Variants in TEX9 observed in about 807,000 individuals in gnomAD.
The protein encoded by TEX9 is testis-expressed protein 9.
TEX9 carries 74 observed loss-of-function variants against 59.6 expected under a neutral mutation model. That is an observed-to-expected ratio of 1.24 (90% CI 1.03 to 1.51). The LOEUF (loss-of-function observed/expected upper bound fraction) is 1.51. Among genes scored for constraint, TEX9 ranks in the 40% most tolerant of loss-of-function variants. The probability of loss-of-function intolerance (pLI) is 0.00; values close to 1 mark genes in which losing one functional copy is unlikely to be tolerated. For synonymous variants in TEX9, 186 were observed against 152.2 expected, an observed-to-expected ratio of 1.22 and a Z score of -1.64; for missense variants, 522 against 447.8, an observed-to-expected ratio of 1.17 and a Z score of -1.49.
chr15:56,358,599 A>G (rs761745139), intron 1 of TEX9, among the ~76,000 whole-genome samples: 1 of 152,196 alleles, frequency 6.6e-6, no homozygotes, highest in Non-Finnish European at 1.5e-5. Flanking sequence ...TTACTGATAC[A>G]TTAACTGAAG....
downstream of TEX9, among the ~76,000 whole-genome samples, chr15:56,449,783 T>C (rs575692768): frequency 2.3e-4 from 35 of 152,334 alleles, no homozygotes; most frequent in African/African-American, 8.2e-4. Context: ...ATCAGTTTGG[T>C]AAAATGTGCT....
At chr15:56,318,626 G>A (rs1198719681) in intron 1 of TEX9, among the ~76,000 whole-genome samples, 1 of 151,224 alleles carries the variant, frequency 6.6e-6, no homozygotes, top group Admixed American at 6.6e-5. Flanking sequence ...TCCTTCTTTT[G>A]TGTTAAATAA....
downstream of TEX9, chr15:56,446,744 G>T: frequency 1.2e-6 from 1 of 850,294 alleles, no homozygotes; most frequent in Non-Finnish European, 1.8e-6. Context: ...ATCTAGCAGT[G>T]TAAATTCTTT....
At chr15:56,395,834 T>C (rs2048444251) in intron 9 of TEX9, 1 of 152,166 alleles carries the variant, frequency 6.6e-6, no homozygotes, top group South Asian at 2.1e-4. Context: ...AATTACTGAA[T>C]AATAAGAACT....
rs1252767389 is a variant in TEX9 at position 56,391,376 on chromosome 15, A to G, written c.529A>G (p.Ile177Val). The G allele has an allele frequency of 3.8e-6, 6 of 1,565,346 alleles. No individual in the cohort carries two copies. In the East Asian group the frequency reaches 1.4e-4, roughly 36 times the overall value. Reference sequence around the variant, plus strand: ...GGAGGAAGAAGGCTTACCTGAATATATAGATGATATTTTTTCTGGTGTTAG... The same window carrying G: ...GGAGGAAGAAGGCTTACCTGAATATGTAGATGATATTTTTTCTGGTGTTAG... Residue 177 changes from isoleucine (I) to valine (V), a missense_variant, in exon 7 of 13, where the codon ATA (isoleucine) becomes GTA (valine). Physicochemically the swap from Ile to Val is conservative, Grantham distance 29 (BLOSUM62 3). Coordinates refer to ENST00000352903, the Ensembl canonical transcript of TEX9.
At chr15:56,293,786 G>A (rs1163545090) in intron 1 of TEX9, among the ~76,000 whole-genome samples, 1 of 152,222 alleles carries the variant, frequency 6.6e-6, no homozygotes, top group Non-Finnish European at 1.5e-5. Flanking sequence ...TCACATTGTG[G>A]CTGGAAGGAT....
rs780833202 is a variant in TEX9, at chr15:56,442,020, CA to C, written c.*30-3645del. 4.6e-5 allele frequency among the ~76,000 whole-genome samples: 7 copies of C among 151,010 alleles called. No homozygotes were observed. The South Asian group carries it at 1.3e-3, about 27-fold the overall frequency. The stretch of plus-strand genomic sequence containing the variant: ...GGGCGACAGAGCGAGACTCCCATCT[CA>C]AAAAATAATAATAAAATAAAATAAA... On this transcript the variant is annotated intron_variant, in intron 12 of 12. Coordinates refer to ENST00000352903, the Ensembl canonical transcript of TEX9.
chr15:56,419,238 T>G (rs997383932), intron 10 of TEX9, among the ~76,000 whole-genome samples: 3 of 151,854 alleles, frequency 2.0e-5, no homozygotes, highest in Non-Finnish European at 4.4e-5. Flanking sequence ...GCATATTGAG[T>G]CTATATCCTC....
intron 1 of TEX9, among the ~76,000 whole-genome samples, chr15:56,341,959 T>C (rs1464446338): frequency 6.6e-6 from 1 of 152,128 alleles, no homozygotes; most frequent in Non-Finnish European, 1.5e-5. Context: ...GTTTATCATA[T>C]TATGTGGCTG....
intron 2 of TEX9, among the ~76,000 whole-genome samples, chr15:56,368,479 A>T (rs1417911264): frequency 6.6e-6 from 1 of 152,000 alleles, no homozygotes; most frequent in Non-Finnish European, 1.5e-5. Flanking sequence ...CTTTTCTTGG[A>T]AGCTTTTTAT....
chr15:56,372,338 G>A (rs1273723854), intron 2 of TEX9, among the ~76,000 whole-genome samples: 1 of 151,800 alleles, frequency 6.6e-6, no homozygotes, highest in Non-Finnish European at 1.5e-5. Flanking sequence ...TTCCCTGGGG[G>A]TGGAGATGGT....
the TEX9 span, chr15:56,456,657 G>A: frequency 1.1e-6 from 1 of 902,380 alleles, no homozygotes; most frequent in Non-Finnish European, 1.6e-6. Flanking sequence ...AATACAAAAT[G>A]TTGTTTCAAT....
At chr15:56,247,880 C>T (rs1363884504) in intron 1 of TEX9, among the ~76,000 whole-genome samples, 12 of 152,330 alleles carry the variant, frequency 7.9e-5, no homozygotes, top group African/African-American at 2.2e-4. Flanking sequence ...CTGATCATTA[C>T]TTCCTCTGTC....
chr15:56,390,612 G>GT (rs1257120153), intron 6 of TEX9, among the ~76,000 whole-genome samples: 4 of 151,986 alleles, frequency 2.6e-5, no homozygotes, highest in African/African-American at 9.7e-5. Context: ...TTAGAAATGA[G>GT]TTTGATTTTG....
intron 3 of TEX9, among the ~76,000 whole-genome samples, chr15:56,380,557 T>C (rs2047680113): frequency 6.6e-6 from 1 of 151,670 alleles, no homozygotes; most frequent in Non-Finnish European, 1.5e-5. Flanking sequence ...TCCTTTTCTT[T>C]TAGATTAAAG....
At chr15:56,444,491 T>G in intron 12 of TEX9, 1 of 1,609,546 alleles carries the variant, frequency 6.2e-7, no homozygotes, top group South Asian at 1.1e-5. Context: ...CAATCATGAG[T>G]TTCTCTTTTA....
intron 1 of TEX9, among the ~76,000 whole-genome samples, chr15:56,301,171 TAAAAA>T (rs1722555156): frequency 6.6e-6 from 1 of 152,042 alleles, no homozygotes; most frequent in Non-Finnish European, 1.5e-5. Flanking sequence ...ATTTGATAAT[TAAAAA>T]GAATCAAGCA....
chr15:56,247,515 G>A (rs1195625263), intron 1 of TEX9, among the ~76,000 whole-genome samples: 2 of 152,144 alleles, frequency 1.3e-5, no homozygotes, highest in African/African-American at 2.4e-5. Flanking sequence ...GGAGTAACAT[G>A]AGCACTGGTG....
intron 1 of TEX9, among the ~76,000 whole-genome samples, chr15:56,264,741 T>C (rs2044342087): frequency 6.6e-6 from 1 of 152,220 alleles, no homozygotes; most frequent in African/African-American, 2.4e-5. Flanking sequence ...CAATATTTCA[T>C]TTATATTTGT....
Sources: gnomAD v4.1 joint callset for allele counts (sites outside exome capture counted in the v4.1 genomes callset) on GRCh38, gnomAD v4.1.1 for gene constraint, MANE v1.5 for transcripts, NCBI Gene and HGNC (gene_info 2026-07-23, HGNC 2026-07-21) for gene names.